IL17B: variants seen among roughly 807,000 people sequenced by gnomAD.
The protein encoded by IL17B is interleukin 17B, also known as interleukin-17B.
IL17B carries 14 observed loss-of-function variants against 14.7 expected under a neutral mutation model. That is an observed-to-expected ratio of 0.95 (90% CI 0.63 to 1.49). The LOEUF (loss-of-function observed/expected upper bound fraction) is 1.49. IL17B is among the 40% of genes most tolerant of loss of function. The probability of loss-of-function intolerance (pLI) is 0.00; values close to 1 mark genes in which losing one functional copy is unlikely to be tolerated. For missense variants in IL17B, 233 were observed against 252.8 expected (o/e 0.92, Z 0.53); for synonymous variants, 105 against 94.8 (o/e 1.11, Z -0.62).
intron 1 of IL17B, among the ~76,000 whole-genome samples, chr5:149,388,414 A>G (rs543512052): frequency 6.6e-6 from 1 of 152,278 alleles, no homozygotes; most frequent in Admixed American, 6.5e-5. Context: ...TTTTTTAGTC[A>G]ATTTCTTAGA....
intron 1 of IL17B, among the ~76,000 whole-genome samples, chr5:149,377,939 C>G (rs1422613373): frequency 1.3e-5 from 2 of 152,104 alleles, no homozygotes; most frequent in African/African-American, 2.4e-5. Context: ...GTCAGGAGAT[C>G]GAGACCATCC....
At position 149,395,918 on chromosome 5, in the gene IL17B, CCACCT is replaced by C. The variant is rs202186945; in HGVS notation, n.95+8185_95+8189del. ...GAACTCCTGGCCTCAAGTGATCCAC[CCACCT>C]CGGCTTCCCCAGAGTACTGGGATTA... On this transcript the variant is annotated intron_variant and non_coding_transcript_variant, in intron 1 of 2. Transcript: ENST00000505432. 8.0e-3 allele frequency among the ~76,000 whole-genome samples: 1,211 copies of C among 152,248 alleles called. 10 individuals are homozygous for C. The highest frequency in any genetic ancestry group is 0.028 in the African/African-American group (1,151 of 41,532).
chr5:149,379,176 TG>T (rs1334929870), intron 1 of IL17B, 28 bp downstream of exon 1: 2 of 1,613,406 alleles, frequency 1.2e-6, no homozygotes, highest in Non-Finnish European at 8.5e-7. Context: ...TAAAAAGGGG[TG>T]GGGGTGCGGC....
chr5:149,403,692 G>T (rs1489315458), intron 1 of IL17B, among the ~76,000 whole-genome samples: 1 of 152,108 alleles, frequency 6.6e-6, no homozygotes, highest in Non-Finnish European at 1.5e-5. Flanking sequence ...AGAACAGAAA[G>T]GGTGAAGTGA....
At position 149,374,522 on chromosome 5, in the gene IL17B, G is replaced by A. The variant is rs201150206; in HGVS notation, c.390C>T (p.Phe130=). ...CCATGCTGCGGTCCTCCTGCATGGT[G>A]AAGGGGTTCACACAGCCCAGACACA... ...RCLCLGCVNP[F]TMQEDRSMVS... is the part of the protein sequence containing the mutation. Residue 130 remains phenylalanine (F), a synonymous_variant, in exon 3 of 3, where the codon TTC becomes TTT. Transcript: ENST00000261796. The surrounding 1 kb of genome is among the most constrained non-coding windows in gnomAD (Gnocchi z 5.0). The A allele has an allele frequency of 8.7e-6, 14 of 1,613,328 alleles. No homozygotes were observed. In the Admixed American group the frequency reaches 2.2e-4, roughly 25 times the overall value.
intron 1 of IL17B, 27 bp from the exon 2 acceptor site, chr5:149,377,052 G>A: frequency 6.6e-7 from 1 of 1,519,764 alleles, no homozygotes; most frequent in Non-Finnish European, 8.8e-7. Context: ...CAGGTCAAAG[G>A]TGGGAGAGCC....
At chr5:149,392,987 T>C (rs944740120) in intron 1 of IL17B, among the ~76,000 whole-genome samples, 50 of 121,298 alleles carry the variant, frequency 4.1e-4, no homozygotes, top group Middle Eastern at 4.3e-3. Flanking sequence ...CGTGTGTGTG[T>C]GCGTGTGTGT....
At position 149,374,436 on chromosome 5, in the gene IL17B, C is replaced by A. The variant is rs138991563; in HGVS notation, c.476G>T (p.Arg159Leu). The stretch of plus-strand genomic sequence containing the variant: ...TGCGCGCTGGCGGCAAGGCCCTGTG[C>A]GGGGCGGTGGCGGGCAGAGGCGGCG... Reference protein sequence around the residue: ...VRRRLCPPPPRTGPCRQRAVM... With the variant: ...VRRRLCPPPPLTGPCRQRAVM... Residue 159 changes from arginine to leucine, a missense_variant, in exon 3 of 3, where the codon CGC becomes CTC. Transcript: ENST00000261796. This position sits in a 1 kb window ranked among gnomAD's most constrained non-coding sequence, Gnocchi z 5.0. 1 of 1,609,144 alleles carries A rather than the reference C, an allele frequency of 6.2e-7. No individual in the cohort carries two copies. The highest frequency in any genetic ancestry group is 1.7e-5 in the Admixed American group (1 of 59,968).
chr5:149,376,699 C>T (rs1758548077), intron 2 of IL17B, 37 bp downstream of exon 2: 1 of 1,561,484 alleles, frequency 6.4e-7, no homozygotes, highest in Non-Finnish European at 8.7e-7. Context: ...AAGGTCCCCA[C>T]CCCCCAAAGA....
intron 1 of IL17B, among the ~76,000 whole-genome samples, chr5:149,398,718 C>T (rs1352259373): frequency 1.3e-5 from 2 of 152,188 alleles, no homozygotes; most frequent in Admixed American, 6.5e-5. Context: ...ACCAGCATGG[C>T]CAACATGGAT....
chr5:149,391,600 T>C (rs1024458450), intron 1 of IL17B, among the ~76,000 whole-genome samples: 1 of 152,220 alleles, frequency 6.6e-6, no homozygotes, highest in African/African-American at 2.4e-5. Flanking sequence ...CTCCTGTCTC[T>C]GAGGCTACTA....
upstream of IL17B, among the ~76,000 whole-genome samples, chr5:149,381,333 C>T (rs1287670723): frequency 1.3e-5 from 2 of 152,232 alleles, no homozygotes; most frequent in Non-Finnish European, 2.9e-5. Flanking sequence ...CAAAAATCTG[C>T]ATCTTAGCAC....
intron 1 of IL17B, among the ~76,000 whole-genome samples, chr5:149,389,583 T>C (rs1416477585): frequency 2.0e-5 from 3 of 152,216 alleles, no homozygotes; most frequent in Non-Finnish European, 4.4e-5. Context: ...GGGCTTTCCA[T>C]GTACTACATA....
intron 1 of IL17B, among the ~76,000 whole-genome samples, chr5:149,389,304 C>T (rs1343758279): frequency 6.6e-6 from 1 of 152,230 alleles, no homozygotes; most frequent in African/African-American, 2.4e-5. Flanking sequence ...GTTCAACTTT[C>T]ATTACCAAGT....
At chr5:149,404,163 C>T (rs1452511237) in exon 1 of IL17B, 2 of 152,258 alleles carry the variant, frequency 1.3e-5, no homozygotes, top group Non-Finnish European at 2.9e-5. Context: ...TCAAGGCTGC[C>T]TCTCCCAGTC....
chr5:149,377,595 G>A (rs1349216248), intron 1 of IL17B, among the ~76,000 whole-genome samples: 1 of 152,174 alleles, frequency 6.6e-6, no homozygotes, highest in Non-Finnish European at 1.5e-5. Context: ...TTATGTCTAA[G>A]AAGGAAGACA....
At chr5:149,385,743 C>G (rs913888217) in intron 1 of IL17B, among the ~76,000 whole-genome samples, 2 of 152,234 alleles carry the variant, frequency 1.3e-5, no homozygotes, top group Non-Finnish European at 2.9e-5. Context: ...ACTTTTCCCC[C>G]AAAGCTGTCA....
At chr5:149,390,130 G>T (rs891293004) in intron 1 of IL17B, among the ~76,000 whole-genome samples, 2 of 151,584 alleles carry the variant, frequency 1.3e-5, no homozygotes, top group African/African-American at 4.8e-5. Context: ...ATATGAATTT[G>T]TTCTACAGGA....
chr5:149,385,878 T>C (rs1758816948), intron 1 of IL17B, among the ~76,000 whole-genome samples: 1 of 152,162 alleles, frequency 6.6e-6, no homozygotes, highest in African/African-American at 2.4e-5. Flanking sequence ...GAGCCGCTCC[T>C]GGCAGAGGAA....
Sources: gnomAD v4.1 joint callset for allele counts (sites outside exome capture counted in the v4.1 genomes callset) on GRCh38, gnomAD v4.1.1 for gene constraint, Gnocchi (gnomAD v3.1) non-coding constraint, MANE v1.5 for transcripts, NCBI Gene and HGNC (gene_info 2026-07-23, HGNC 2026-07-21) for gene names.